Variants in NLRC5 observed in about 807,000 individuals in gnomAD.
NLRC5 encodes protein NLRC5.
Under a neutral mutation model 206.9 loss-of-function variants are expected in NLRC5, and 114 were observed. The observed-to-expected ratio is 0.55, with a 90% CI of 0.47 to 0.64. NLRC5 has a LOEUF of 0.64. NLRC5 is among the 30% of genes least tolerant of loss of function. The pLI is 0.00. For synonymous variants in NLRC5, 952 were observed against 962.8 expected, an observed-to-expected ratio of 0.99 and a Z score of 0.21; for missense variants, 2,008 against 2,305.5, an observed-to-expected ratio of 0.87 and a Z score of 2.64.
chr16:57,022,383 AGGAGGCTGT>A (rs149634155), intron 4 of NLRC5, 68 bp downstream of exon 4: 436,473 of 1,327,132 alleles, frequency 0.33, 79,057 homozygotes, highest in Non-Finnish European at 0.35. Context: ...TCCAAGCTGG[AGGAGGCTGT>A]GGAGGCTGTG....
chr16:57,024,201 G>T (rs922793107), intron 5 of NLRC5, among the ~76,000 whole-genome samples: 5 of 152,202 alleles, frequency 3.3e-5, no homozygotes, highest in Admixed American at 6.5e-5. Flanking sequence ...GACCAGTTTG[G>T]GGGTGAGCAG....
At chr16:57,062,228 A>C (rs1303178909) in intron 32 of NLRC5, 1 of 443,102 alleles carries the variant, frequency 2.3e-6, no homozygotes, top group African/African-American at 2.1e-5. Flanking sequence ...GTGAAGCTCC[A>C]AAAAATAAGG....
In NLRC5 at chr16:57,012,835, T is replaced by C. The variant is rs77758414; in HGVS notation, c.-127-4239T>C. On this transcript the variant is annotated intron_variant, in intron 1 of 48. Coordinates refer to ENST00000688547, the MANE Select transcript of NLRC5 (RefSeq NM_001384950.1). The stretch of plus-strand genomic sequence containing the variant: ...CCATTTTACATTCCCACCGGCAATA[T>C]ATACGGTGTCCTGTTTCTTTACATC... Among the ~76,000 whole-genome samples the C allele has an allele frequency of 2.3e-3, 355 of 152,332 alleles. 1 individual carries two copies. The highest frequency in any genetic ancestry group is 8.1e-3 in the African/African-American group (335 of 41,572).
chr16:57,001,120 C>T (rs1033246303), intron 1 of NLRC5, among the ~76,000 whole-genome samples: 2 of 152,180 alleles, frequency 1.3e-5, no homozygotes, highest in Non-Finnish European at 2.9e-5. Flanking sequence ...TCTCTGTGTC[C>T]CCCTGGTAGG....
At chr16:57,058,008 G>A in intron 27 of NLRC5, 57 bp from the exon 28 acceptor site, 1 of 1,394,070 alleles carries the variant, frequency 7.2e-7, no homozygotes, top group South Asian at 1.2e-5. Context: ...TGACTGAGGA[G>A]CATCTCAGGC....
rs555349987 is a variant in NLRC5, at chr16:57,020,959, C to G, written c.247C>G (p.Pro83Ala). 3.1e-6 allele frequency: 5 copies of G among 1,613,974 alleles called. No homozygotes were observed. The Admixed American group carries it at 8.3e-5, about 27-fold the overall frequency. Residue 83 changes from proline to alanine, a missense_variant, in exon 3 of 49, where the codon CCT becomes GCT. Pro to Ala is a conservative substitution (Grantham distance 27, BLOSUM62 -1). Transcript: ENST00000688547. Reference protein sequence around the residue: ...IHCVCMQLEVPLDLEVLLLST... With the variant: ...IHCVCMQLEVALDLEVLLLST... ...TTGTGTGTGCATGCAGCTGGAGGTG[C>G]CTCTGGACCTGGAGGTGCTGCTGCT...
chr16:56,992,378 G>A (rs751150142), intron 1 of NLRC5: 10 of 152,190 alleles, frequency 6.6e-5, no homozygotes, highest in Non-Finnish European at 5.9e-5. Context: ...GCAAGCTAAT[G>A]CAAGTCCAAA....
intron 16 of NLRC5, 45 bp from the exon 17 acceptor site, chr16:57,040,605 C>T (rs976503982): frequency 8.2e-6 from 13 of 1,575,818 alleles, no homozygotes; most frequent in Middle Eastern, 3.3e-4. Context: ...CTGGAGATGG[C>T]GGACATGGCC....
At chr16:57,066,017 TACCCC>T (rs1378887030) in intron 33 of NLRC5, among the ~76,000 whole-genome samples, 1 of 152,160 alleles carries the variant, frequency 6.6e-6, no homozygotes, top group Non-Finnish European at 1.5e-5. Flanking sequence ...ACACATCCCC[TACCCC>T]ACCCTTCCAC....
At chr16:57,039,979 G>A in intron 16 of NLRC5, 130 bp downstream of exon 16, 1 of 831,892 alleles carries the variant, frequency 1.2e-6, no homozygotes, top group Non-Finnish European at 1.9e-6. Flanking sequence ...AGCGGGAAGT[G>A]AGCAGGCTTG....
intron 33 of NLRC5, among the ~76,000 whole-genome samples, 163 bp from the exon 34 acceptor site, chr16:57,066,371 C>T (rs529792991): frequency 1.3e-5 from 2 of 152,082 alleles, no homozygotes; most frequent in African/African-American, 2.4e-5. Context: ...TTGTGTGTGA[C>T]TCACGGAAGC....
chr16:57,003,659 G>A (rs151262944), intron 1 of NLRC5, among the ~76,000 whole-genome samples: 1 of 152,096 alleles, frequency 6.6e-6, no homozygotes, highest in African/African-American at 2.4e-5. Flanking sequence ...TTGCACATGC[G>A]CAGGATGGAC....
At chr16:57,012,059 C>T (rs2059563654) in intron 1 of NLRC5, among the ~76,000 whole-genome samples, 1 of 152,194 alleles carries the variant, frequency 6.6e-6, no homozygotes, top group African/African-American at 2.4e-5. Flanking sequence ...ATTCCTATTT[C>T]TGCTCCCAGG....
Position 57,055,033 on chromosome 16 carries a change from T to G in NLRC5, c.3598T>G (p.Ser1200Ala), listed in dbSNP as rs2065430215. 1.9e-6 allele frequency: 3 copies of G among 1,614,144 alleles called. No homozygotes were observed. The African/African-American group carries it at 4.0e-5, about 22-fold the overall frequency. ...TGACCCAGGTCCTGTCTGATCCAGG[T>G]CCCTGCACCATGCAACTTTGCACTT... ...CPRVKKVDLRSLHHATLHFRS... is the reference protein window; with the variant it reads ...CPRVKKVDLRALHHATLHFRS... Residue 1200 changes from serine to alanine, a missense_variant and splice_region_variant, in exon 26 of 49, where the codon TCC becomes GCC. By Grantham distance (99) the Ser-to-Ala change is moderately conservative (BLOSUM62 1). Coordinates refer to ENST00000688547, the MANE Select transcript of NLRC5 (RefSeq NM_001384950.1).
At chr16:57,078,079 A>C in intron 43 of NLRC5, 59 bp downstream of exon 43, 3 of 1,344,266 alleles carry the variant, frequency 2.2e-6, no homozygotes, top group Non-Finnish European at 3.0e-6. Context: ...CCTCGGGAGC[A>C]GTGGGGGGGT....
chr16:57,015,339 C>T (rs1272285020), intron 1 of NLRC5, among the ~76,000 whole-genome samples: 1 of 152,092 alleles, frequency 6.6e-6, no homozygotes, highest in Non-Finnish European at 1.5e-5. Context: ...GGTATTTAGG[C>T]TTCACCAGGT....
chr16:57,059,450 G>A lies in NLRC5; in HGVS notation c.3921-17G>A, dbSNP rs1389122197. 6.2e-7 allele frequency: 1 copy of A among 1,600,456 alleles called. No individual in the cohort carries two copies. Among genetic ancestry groups the A allele is most frequent in the Non-Finnish European group, 8.5e-7 (1 of 1,173,490 alleles). On this transcript the variant is annotated splice_polypyrimidine_tract_variant and intron_variant, in intron 29 of 48. Transcript: ENST00000688547. ...CATGTCTGGGCACCGTGCTTCCCCAGGCCCTTCTCTCTGCAGCCTGGGCTC... is the reference window on the plus strand; with the variant it reads ...CATGTCTGGGCACCGTGCTTCCCCAAGCCCTTCTCTCTGCAGCCTGGGCTC...
At chr16:57,062,289 T>C in intron 32 of NLRC5, 1 of 400,754 alleles carries the variant, frequency 2.5e-6, no homozygotes. Context: ...GAAACTCAGT[T>C]AGCGATTCCT....
At chr16:57,031,343 T>G in intron 10 of NLRC5, 61 bp from the exon 11 acceptor site, 1 of 1,558,848 alleles carries the variant, frequency 6.4e-7, no homozygotes, top group Admixed American at 1.7e-5. Context: ...GGTGTGCCTG[T>G]GGTGGGTGAT....
Sources: gnomAD v4.1 joint callset for allele counts (sites outside exome capture counted in the v4.1 genomes callset) on GRCh38, gnomAD v4.1.1 for gene constraint, MANE v1.5 for transcripts, NCBI Gene and HGNC (gene_info 2026-07-23, HGNC 2026-07-21) for gene names.